RSU1: variants seen among roughly 807,000 people sequenced by gnomAD.
The protein encoded by RSU1 is rsu-1.
RSU1 carries 26 observed loss-of-function variants against 31.1 expected under a neutral mutation model. The ratio of observed to expected loss-of-function variants is 0.84; its 90% CI spans 0.61 to 1.16. RSU1 has a LOEUF of 1.16. Among genes scored for constraint, RSU1 ranks in the 50% most tolerant of loss-of-function variants. RSU1 has a pLI of 0.00. For synonymous variants in RSU1, 164 were observed against 136.3 expected (o/e 1.20, Z -1.41); for missense variants, 320 against 339.1 (o/e 0.94, Z 0.44).
chr10:16,630,955 T>G (rs1471893496), intron 8 of RSU1, among the ~76,000 whole-genome samples: 2 of 152,230 alleles, frequency 1.3e-5, no homozygotes, highest in African/African-American at 4.8e-5. Flanking sequence ...AGGGTTTGGG[T>G]AGATTTCACT....
intron 8 of RSU1, among the ~76,000 whole-genome samples, chr10:16,675,176 G>C (rs1223411883): frequency 3.4e-5 from 5 of 148,788 alleles, no homozygotes; most frequent in African/African-American, 1.2e-4. Flanking sequence ...ACTCCAGCCT[G>C]GGTAACAGAG....
intron 7 of RSU1, among the ~76,000 whole-genome samples, chr10:16,737,768 A>AG (rs1564338851): frequency 6.6e-6 from 1 of 150,514 alleles, no homozygotes. Flanking sequence ...AAAAAAAAAA[A>AG]CAATATTACT....
At chr10:16,634,378 G>A (rs1338899506) in intron 8 of RSU1, among the ~76,000 whole-genome samples, 1 of 152,194 alleles carries the variant, frequency 6.6e-6, no homozygotes, top group African/African-American at 2.4e-5. Context: ...AACAGTGGAT[G>A]CGCAACCTTT....
In RSU1 at chr10:16,592,339, C is replaced by A. The variant is rs1271895372; in HGVS notation, c.*1055G>T. On this transcript the variant is annotated 3_prime_UTR_variant, in exon 9 of 9. Transcript: ENST00000345264. Reference sequence around the variant, plus strand: ...AGCCCTTTCAGTGAGCACAAAACCTCAGCTTGCATTTATTTTGATTTTCGT... The same window carrying A: ...AGCCCTTTCAGTGAGCACAAAACCTAAGCTTGCATTTATTTTGATTTTCGT... 6.6e-6 allele frequency: 1 copy of A among 152,188 alleles called. No individual in the cohort carries two copies. The highest frequency in any genetic ancestry group is 6.5e-5 in the Admixed American group (1 of 15,274). The allele number at this position is 152,188 out of a possible 1,614,324, so 9.4% of individuals were successfully genotyped here.
At chr10:16,742,993 G>A (rs1009094390) in intron 7 of RSU1, among the ~76,000 whole-genome samples, 4 of 152,160 alleles carry the variant, frequency 2.6e-5, no homozygotes. Context: ...GAGACTTGAC[G>A]GGAGTCATTT....
intron 8 of RSU1, among the ~76,000 whole-genome samples, chr10:16,643,896 T>G (rs981196469): frequency 7.9e-5 from 12 of 151,240 alleles, no homozygotes; most frequent in Non-Finnish European, 8.8e-5. Flanking sequence ...TGAAGATTTT[T>G]TTTTTTAAAA....
chr10:16,772,734 T>C (rs1837448671), intron 3 of RSU1, among the ~76,000 whole-genome samples: 1 of 152,022 alleles, frequency 6.6e-6, no homozygotes, highest in Non-Finnish European at 1.5e-5. Flanking sequence ...ATCTAGGCTC[T>C]TTTATATGAG....
chr10:16,689,450 A>G (rs1835499657), intron 8 of RSU1, among the ~76,000 whole-genome samples: 1 of 152,266 alleles, frequency 6.6e-6, no homozygotes, highest in African/African-American at 2.4e-5. Context: ...AGGATATAGT[A>G]GTTGTTTAAT....
rs201585770 is a variant in RSU1 at position 16,695,158 on chromosome 10, G to A, written c.599-3C>T. 8.3e-3 allele frequency: 7,041 copies of A among 847,756 alleles called. 304 individuals are homozygous for A. The African/African-American group carries it at 0.15, about 18-fold the overall frequency. The allele number at this position is 847,756 out of a possible 1,614,324, so 52.5% of individuals were successfully genotyped here. ...CTGGCCAGTTAAATCCAAGTTTCCT[G>A]GGGGGGGGGAAAAAAAAAGTGAAGG... On this transcript the variant is annotated splice_region_variant and splice_polypyrimidine_tract_variant and intron_variant, in intron 7 of 8. Transcript: ENST00000345264.
chr10:16,746,771 C>T (rs3740171), intron 7 of RSU1, among the ~76,000 whole-genome samples: 7,756 of 149,788 alleles, frequency 0.052, 237 homozygotes, highest in Middle Eastern at 0.074. Context: ...GGATTTTTAT[C>T]CTCTCTACTA....
intron 7 of RSU1, among the ~76,000 whole-genome samples, chr10:16,709,009 T>C (rs1294613827): frequency 1.3e-5 from 2 of 152,068 alleles, no homozygotes; most frequent in Non-Finnish European, 2.9e-5. Context: ...TTTTTTTTTT[T>C]TAATTATACT....
chr10:16,604,030 G>GA (rs1833756406), intron 8 of RSU1, among the ~76,000 whole-genome samples: 2 of 152,128 alleles, frequency 1.3e-5, no homozygotes, highest in African/African-American at 2.4e-5. Flanking sequence ...CCTCTAGCTG[G>GA]AGGATGATAT....
Position 16,613,149 on chromosome 10 carries a change from G to C in RSU1, c.732-19653C>G, listed in dbSNP as rs1219377477. On this transcript the variant is annotated intron_variant, in intron 8 of 8. Transcript: ENST00000345264. ...TTACATTACAGTTATTCCCCCTCTG[G>C]CTGCTTTAAAGGACACTAACTCCAA... Among the ~76,000 whole-genome samples the C allele has an allele frequency of 2.0e-5, 3 of 152,082 alleles. No individual in the cohort carries two copies. In the East Asian group the frequency reaches 5.8e-4, roughly 29 times the overall value.
intron 8 of RSU1, among the ~76,000 whole-genome samples, chr10:16,606,543 G>A (rs1313992334): frequency 6.6e-6 from 1 of 152,160 alleles, no homozygotes; most frequent in Non-Finnish European, 1.5e-5. Flanking sequence ...TCCTACATGG[G>A]CAGATGAGGG....
At chr10:16,749,968 A>C (rs1212593828) in intron 7 of RSU1, among the ~76,000 whole-genome samples, 1 of 152,174 alleles carries the variant, frequency 6.6e-6, no homozygotes, top group East Asian at 1.9e-4. Flanking sequence ...GTCAGGTTCA[A>C]ATCTCACCTG....
chr10:16,816,861 C>A (rs994512056), intron 2 of RSU1, 112 bp downstream of exon 2: 5 of 732,244 alleles, frequency 6.8e-6, no homozygotes, highest in East Asian at 2.5e-5. Flanking sequence ...GGTTTACAAG[C>A]AGGGGCTGGG....
chr10:16,639,959 T>A (rs900743941), intron 8 of RSU1, among the ~76,000 whole-genome samples: 14 of 152,204 alleles, frequency 9.2e-5, no homozygotes, highest in African/African-American at 3.4e-4. Flanking sequence ...ACAATATATT[T>A]TAGAAAGGTT....
chr10:16,814,637 G>A (rs1350786807), intron 2 of RSU1, among the ~76,000 whole-genome samples: 1 of 152,126 alleles, frequency 6.6e-6, no homozygotes, highest in Non-Finnish European at 1.5e-5. Context: ...CTGAGGTCAG[G>A]GAGTTTGCAG....
chr10:16,758,645 A>G (rs1317109913), intron 4 of RSU1, among the ~76,000 whole-genome samples: 1 of 152,214 alleles, frequency 6.6e-6, no homozygotes. Flanking sequence ...AGAGGATAAG[A>G]GAGAAAATAT....
Sources: allele counts gnomAD v4.1 joint callset (sites outside exome capture counted in the v4.1 genomes callset), GRCh38; gene constraint gnomAD v4.1.1; transcripts MANE v1.5; gene names NCBI Gene and HGNC (gene_info 2026-07-23, HGNC 2026-07-21).